Variants in TMEM163 observed in about 807,000 individuals in gnomAD.
TMEM163 encodes transmembrane protein 163.
Under a neutral mutation model 29.3 loss-of-function variants are expected in TMEM163, and 17 were observed. The observed-to-expected ratio is 0.58, with a 90% CI of 0.40 to 0.87. The LOEUF is 0.87. Among genes scored for constraint, TMEM163 ranks in the 40% least tolerant of loss-of-function variants. TMEM163 has a pLI of 0.00. For missense variants in TMEM163, 303 were observed against 381.5 expected (o/e 0.79, Z 1.71); for synonymous variants, 157 against 160.6 (o/e 0.98, Z 0.17).
intron 2 of TMEM163, among the ~76,000 whole-genome samples, chr2:134,616,994 G>A (rs1299337135): frequency 6.6e-6 from 1 of 152,162 alleles, no homozygotes; most frequent in African/African-American, 2.4e-5. Flanking sequence ...TGCACAGCAA[G>A]AGATAAAGAG....
intron 2 of TMEM163, among the ~76,000 whole-genome samples, chr2:134,619,397 T>A (rs1682679255): frequency 2.6e-5 from 4 of 152,196 alleles, no homozygotes; most frequent in Admixed American, 2.6e-4. Flanking sequence ...TAAACAGGAT[T>A]ATACACGACG....
At chr2:134,522,011 G>A (rs1265898818) in intron 4 of TMEM163, among the ~76,000 whole-genome samples, 2 of 152,120 alleles carry the variant, frequency 1.3e-5, no homozygotes, top group Non-Finnish European at 1.5e-5. Context: ...CTTCCACTCC[G>A]GACACTCACC....
chr2:134,466,351 G>A (rs1686669110), intron 5 of TMEM163, 126 bp from the exon 6 acceptor site: 6 of 703,342 alleles, frequency 8.5e-6, no homozygotes, highest in Non-Finnish European at 1.5e-5. Flanking sequence ...CACCAGGTGG[G>A]GGTATACTGC....
At chr2:134,578,122 G>T (rs367711409) in intron 2 of TMEM163, among the ~76,000 whole-genome samples, 1 of 152,112 alleles carries the variant, frequency 6.6e-6, no homozygotes, top group African/African-American at 2.4e-5. Context: ...TGATAATACA[G>T]TTATATTAGT....
chr2:134,542,367 G>C (rs1227490910), intron 4 of TMEM163, among the ~76,000 whole-genome samples: 3 of 152,202 alleles, frequency 2.0e-5, no homozygotes, highest in East Asian at 3.9e-4. Flanking sequence ...AAGCAGCAGA[G>C]TGGAGCTCTG....
intron 5 of TMEM163, among the ~76,000 whole-genome samples, chr2:134,471,378 C>T (rs1686797023): frequency 6.6e-6 from 1 of 152,142 alleles, no homozygotes; most frequent in African/African-American, 2.4e-5. Context: ...TTTTTCCCCA[C>T]CACCGACGTG....
At chr2:134,558,104 G>C (rs759880428) in intron 2 of TMEM163, among the ~76,000 whole-genome samples, 25 of 152,176 alleles carry the variant, frequency 1.6e-4, no homozygotes, top group Non-Finnish European at 2.9e-4. Context: ...GCTGCACTGT[G>C]AGTTCACAAA....
chr2:134,623,493 C>T (rs58762814), intron 2 of TMEM163, among the ~76,000 whole-genome samples: 1,712 of 152,238 alleles, frequency 0.011, 37 homozygotes, highest in African/African-American at 0.038. Flanking sequence ...AGTTGCCGGC[C>T]GCAGTGGCTC....
intron 2 of TMEM163, among the ~76,000 whole-genome samples, chr2:134,609,795 C>T (rs1453191220): frequency 9.4e-5 from 10 of 106,800 alleles, no homozygotes; most frequent in Non-Finnish European, 1.9e-4. Context: ...GAGGACAGAC[C>T]CCGAGAACTG....
intron 4 of TMEM163, among the ~76,000 whole-genome samples, chr2:134,543,257 T>C (rs1388654067): frequency 1.3e-5 from 2 of 152,194 alleles, no homozygotes; most frequent in Admixed American, 1.3e-4. Flanking sequence ...CCCTTCTGCC[T>C]CCAGGTGAGT....
Position 134,642,153 on chromosome 2 carries a change from C to A in TMEM163, c.322+71047G>T, listed in dbSNP as rs181985329. 9.4e-3 allele frequency among the ~76,000 whole-genome samples: 1,429 copies of A among 151,474 alleles called. 13 individuals carry two copies. The highest frequency in any genetic ancestry group is 0.017 in the South Asian group (80 of 4,782). On this transcript the variant is annotated intron_variant, in intron 2 of 7. Coordinates refer to ENST00000281924, the MANE Select transcript of TMEM163 (RefSeq NM_030923.5). ...ATTTTTTTTTTTTCTGAAATGGAGT[C>A]TTGCTCTGTCGCCCAGGCTGGAGTG...
intron 2 of TMEM163, among the ~76,000 whole-genome samples, chr2:134,660,797 C>T (rs1053043925): frequency 3.3e-5 from 5 of 152,196 alleles, no homozygotes; most frequent in Admixed American, 2.6e-4. Flanking sequence ...TGCTGAAGAG[C>T]TCAGTATATT....
intron 2 of TMEM163, among the ~76,000 whole-genome samples, chr2:134,616,749 T>C (rs962188138): frequency 2.0e-5 from 3 of 152,224 alleles, no homozygotes; most frequent in Non-Finnish European, 4.4e-5. Context: ...TATAGTTATA[T>C]AAGATGTTAA....
At chr2:134,485,238 C>T (rs751765493) in intron 5 of TMEM163, among the ~76,000 whole-genome samples, 1 of 152,182 alleles carries the variant, frequency 6.6e-6, no homozygotes, top group Non-Finnish European at 1.5e-5. Context: ...GATAGTTGGT[C>T]AAAATCATCT....
chr2:134,491,877 C>T (rs1388324753), intron 5 of TMEM163, among the ~76,000 whole-genome samples: 2 of 152,176 alleles, frequency 1.3e-5, no homozygotes, highest in Non-Finnish European at 1.5e-5. Context: ...CAATCAGAGA[C>T]TCTTGTACAG....
At chr2:134,462,338 T>C (rs1299238454) in intron 6 of TMEM163, among the ~76,000 whole-genome samples, 1 of 152,084 alleles carries the variant, frequency 6.6e-6, no homozygotes, top group Non-Finnish European at 1.5e-5. Flanking sequence ...CCACCACCAA[T>C]GACCAGAGGG....
intron 4 of TMEM163, among the ~76,000 whole-genome samples, chr2:134,525,809 C>T (rs1680282439): frequency 6.6e-6 from 1 of 152,220 alleles, no homozygotes; most frequent in Non-Finnish European, 1.5e-5. Flanking sequence ...CTGAGGGCAT[C>T]TCTCCTGCAT....
chr2:134,531,766 A>G (rs1359756089), intron 4 of TMEM163, among the ~76,000 whole-genome samples: 1 of 152,212 alleles, frequency 6.6e-6, no homozygotes, highest in African/African-American at 2.4e-5. Context: ...GAACCCTGTC[A>G]TTATGGGTTT....
At chr2:134,650,584 A>G (rs190170166) in intron 2 of TMEM163, among the ~76,000 whole-genome samples, 2,297 of 141,964 alleles carry the variant, frequency 0.016, 406 homozygotes, top group African/African-American at 0.063. Flanking sequence ...ACATGTGCAC[A>G]TTGTGCAGGT....
Sources: gnomAD v4.1 joint callset for allele counts (sites outside exome capture counted in the v4.1 genomes callset) on GRCh38, gnomAD v4.1.1 for gene constraint, MANE v1.5 for transcripts, NCBI Gene and HGNC (gene_info 2026-07-23, HGNC 2026-07-21) for gene names.